PRKN: variants seen among roughly 807,000 people sequenced by gnomAD.
The protein encoded by PRKN is E3 ubiquitin-protein ligase parkin.
Under a neutral mutation model 59.5 loss-of-function variants are expected in PRKN, and 56 were observed. The ratio of observed to expected loss-of-function variants is 0.94; its 90% CI spans 0.76 to 1.18. PRKN has a LOEUF of 1.18. Among genes scored for constraint, PRKN ranks in the 50% most tolerant of loss-of-function variants. The pLI, the probability that PRKN is intolerant of heterozygous loss-of-function variation, is 0.00. For missense variants in PRKN, 657 were observed against 596.4 expected, an observed-to-expected ratio of 1.10 and a Z score of -1.06; for synonymous variants, 250 against 222.1, an observed-to-expected ratio of 1.13 and a Z score of -1.12.
Position 161,360,078 on chromosome 6 carries a change from A to G in PRKN, c.1285+10T>C. On this transcript the variant is annotated intron_variant, in intron 11 of 11. Coordinates refer to ENST00000366898, the MANE Select transcript of PRKN (RefSeq NM_004562.3). This position sits in a 1 kb window ranked among gnomAD's most constrained non-coding sequence, Gnocchi z 5.1. Reference sequence around the variant, plus strand: ...ACGACATCCTCATTCTCTGCTCAGCACAGACTCACCATTTTTTTCCACTGG... The same window carrying G: ...ACGACATCCTCATTCTCTGCTCAGCGCAGACTCACCATTTTTTTCCACTGG... 6.3e-7 allele frequency: 1 copy of G among 1,576,782 alleles called. No homozygotes were observed.
chr6:161,963,831 G>T (rs891118778), intron 6 of PRKN, among the ~76,000 whole-genome samples: 3 of 152,178 alleles, frequency 2.0e-5, no homozygotes, highest in African/African-American at 4.8e-5. Context: ...TGCTGGCCAC[G>T]GTAGGGAGGA....
chr6:161,532,005 G>A (rs911247711), intron 9 of PRKN, among the ~76,000 whole-genome samples: 2 of 152,054 alleles, frequency 1.3e-5, no homozygotes, highest in Admixed American at 6.6e-5. Context: ...AATAAAGAAG[G>A]AGTTTGGGGT....
At position 161,456,887 on chromosome 6, in the gene PRKN, C is replaced by T. The variant is rs528922534; in HGVS notation, c.1084-70010G>A. Among the ~76,000 whole-genome samples the T allele has an allele frequency of 6.6e-6, 1 of 152,258 alleles. No homozygotes were observed. Among genetic ancestry groups the T allele is most frequent in the African/African-American group, 2.4e-5 (1 of 41,566 alleles). On this transcript the variant is annotated intron_variant, in intron 9 of 11. Transcript: ENST00000366898. This position sits in a 1 kb window ranked among gnomAD's most constrained non-coding sequence, Gnocchi z 4.8. The stretch of plus-strand genomic sequence containing the variant: ...CAGGGAACCTTTTCTCCTAGGCAAA[C>T]AGAGGTAGTGTGGCAGCTGGAAGAG...
chr6:162,360,376 T>C (rs1234349577), intron 2 of PRKN, among the ~76,000 whole-genome samples: 1 of 152,142 alleles, frequency 6.6e-6, no homozygotes, highest in Non-Finnish European at 1.5e-5. Context: ...TCCCCTAACA[T>C]TTGCATTTAT....
At position 161,383,364 on chromosome 6, in the gene PRKN, T is replaced by G. The variant is rs114172930; in HGVS notation, c.1167+3430A>C. 2.3e-3 allele frequency among the ~76,000 whole-genome samples: 350 copies of G among 152,342 alleles called. 2 individuals are homozygous for G. Among genetic ancestry groups the G allele is most frequent in the African/African-American group, 8.1e-3 (335 of 41,584 alleles). On this transcript the variant is annotated intron_variant, in intron 10 of 11. Transcript: ENST00000366898. ...AAGGAAACTTGGGAAGATTGGTAAA[T>G]TCGCTCATAGAGAAGGTGCTGGTAA...
chr6:162,641,353 T>A (rs927380544), intron 1 of PRKN, among the ~76,000 whole-genome samples: 4 of 150,728 alleles, frequency 2.7e-5, no homozygotes, highest in African/African-American at 9.7e-5. Context: ...TACACTGAAA[T>A]TTTTTTTTTC....
chr6:162,542,465 GA>G (rs1778964091), intron 1 of PRKN, among the ~76,000 whole-genome samples: 1 of 151,954 alleles, frequency 6.6e-6, no homozygotes, highest in Admixed American at 6.6e-5. Flanking sequence ...AAATCTATAA[GA>G]AACATACTTG....
At chr6:161,746,056 T>G (rs978739140) in intron 7 of PRKN, among the ~76,000 whole-genome samples, 7 of 152,202 alleles carry the variant, frequency 4.6e-5, no homozygotes, top group Non-Finnish European at 8.8e-5. Flanking sequence ...GTTAGGAACC[T>G]CCTATGATCC....
At chr6:161,411,065 T>C (rs1167647278) in intron 9 of PRKN, among the ~76,000 whole-genome samples, 3 of 152,126 alleles carry the variant, frequency 2.0e-5, no homozygotes, top group African/African-American at 7.2e-5. Flanking sequence ...TATAAACCAG[T>C]GCAGGGCCTC....
At position 161,419,842 on chromosome 6, in the gene PRKN, AG is replaced by A. The variant is rs985424304; in HGVS notation, c.1084-32966del. ...GAATTTCCATTTATTTCACTGTGAA[AG>A]GGGGAAATTGGTACCTACTTGTGGG... On this transcript the variant is annotated intron_variant, in intron 9 of 11. Coordinates refer to ENST00000366898, the MANE Select transcript of PRKN (RefSeq NM_004562.3). This position sits in a 1 kb window ranked among gnomAD's most constrained non-coding sequence, Gnocchi z 4.1. 6.6e-6 allele frequency among the ~76,000 whole-genome samples: 1 copy of A among 152,172 alleles called. No individual in the cohort carries two copies. Among genetic ancestry groups the A allele is most frequent in the South Asian group, 2.1e-4 (1 of 4,832 alleles).
intron 4 of PRKN, among the ~76,000 whole-genome samples, chr6:162,126,528 C>G (rs141513661): frequency 6.6e-6 from 1 of 152,296 alleles, no homozygotes; most frequent in East Asian, 1.9e-4. Context: ...CAAAGTCACA[C>G]ATTTTCACAA....
chr6:161,683,228 T>C (rs1002736697), intron 7 of PRKN, among the ~76,000 whole-genome samples: 7 of 152,144 alleles, frequency 4.6e-5, no homozygotes, highest in African/African-American at 1.7e-4. Flanking sequence ...AGCTTTCACC[T>C]GCAGAGAAGG....
At chr6:161,368,504 G>A (rs1488636894) in intron 10 of PRKN, among the ~76,000 whole-genome samples, 1 of 150,294 alleles carries the variant, frequency 6.7e-6, no homozygotes, top group Non-Finnish European at 1.5e-5. Flanking sequence ...GCACCGAGCC[G>A]AGCTGGTGCC....
At chr6:161,678,873 C>T (rs1260983332) in intron 7 of PRKN, among the ~76,000 whole-genome samples, 8 of 152,090 alleles carry the variant, frequency 5.3e-5, no homozygotes, top group Non-Finnish European at 4.4e-5. Context: ...AGCCTAGGTG[C>T]CTGATTTTAT....
chr6:161,612,628 G>A (rs1171759829), intron 7 of PRKN, among the ~76,000 whole-genome samples: 4 of 151,012 alleles, frequency 2.6e-5, no homozygotes, highest in Non-Finnish European at 4.4e-5. Flanking sequence ...GGCCGAGGCA[G>A]GAGAATTGCT....
chr6:161,833,267 C>A (rs6915318), intron 6 of PRKN, among the ~76,000 whole-genome samples: 1 of 151,954 alleles, frequency 6.6e-6, no homozygotes, highest in East Asian at 1.9e-4. Flanking sequence ...ATACAGTCTC[C>A]GGGTGGCCAA....
chr6:162,231,308 C>A (rs1583234464), intron 3 of PRKN, among the ~76,000 whole-genome samples: 2 of 152,272 alleles, frequency 1.3e-5, no homozygotes, highest in Admixed American at 6.5e-5. Context: ...AAAGGGAAAA[C>A]CAAATTTATT....
intron 6 of PRKN, among the ~76,000 whole-genome samples, chr6:161,867,751 T>TTATTTATTTATTTATG (rs1554236180): frequency 0.02 from 2,766 of 141,280 alleles, 90 homozygotes; most frequent in African/African-American, 0.077. Context: ...ATTTATTTAT[T>TTATTTATTTATTTATG]TATTTATTTA....
intron 4 of PRKN, among the ~76,000 whole-genome samples, chr6:162,087,750 C>A (rs369072461): frequency 6.6e-6 from 1 of 151,916 alleles, no homozygotes; most frequent in Non-Finnish European, 1.5e-5. Flanking sequence ...CACGCCACCA[C>A]GCCCAGCTAA....
Sources: allele counts gnomAD v4.1 joint callset (sites outside exome capture counted in the v4.1 genomes callset), GRCh38; gene constraint gnomAD v4.1.1; non-coding constraint Gnocchi (gnomAD v3.1); transcripts MANE v1.5; gene names NCBI Gene and HGNC (gene_info 2026-07-23, HGNC 2026-07-21).